Variants in MAGI2 observed in about 807,000 individuals in gnomAD.
MAGI2 encodes the protein membrane associated guanylate kinase, WW and PDZ domain containing 2.
A neutral mutation model predicts 133.3 loss-of-function variants in MAGI2; 35 were observed. That is an observed-to-expected ratio of 0.26 (90% CI 0.20 to 0.35). MAGI2 has a LOEUF of 0.35. MAGI2 is among the 10% of genes least tolerant of loss of function. The pLI is 1.00. For missense variants in MAGI2, 1,636 were observed against 1,863.4 expected (o/e 0.88, Z 2.25); for synonymous variants, 729 against 710.6 (o/e 1.03, Z -0.41).
At chr7:78,545,493 T>A (rs62468611) in intron 3 of MAGI2, among the ~76,000 whole-genome samples, 10,340 of 152,220 alleles carry the variant, frequency 0.068, 444 homozygotes, top group Non-Finnish European at 0.1. Flanking sequence ...ATTACAGGTG[T>A]GAGCCACCGT....
At chr7:78,358,352 A>G (rs1405441527) in intron 7 of MAGI2, 1 of 151,732 alleles carries the variant, frequency 6.6e-6, no homozygotes, top group African/African-American at 2.4e-5. Context: ...CCCGGCAGCC[A>G]TCTTGGCCAA....
intron 2 of MAGI2, among the ~76,000 whole-genome samples, chr7:78,676,877 G>A (rs528911240): frequency 6.6e-6 from 1 of 152,068 alleles, no homozygotes; most frequent in African/African-American, 2.4e-5. Flanking sequence ...CAAATACATT[G>A]AGGCATTTTC....
At chr7:78,536,756 GTTGT>G (rs1469608195) in intron 3 of MAGI2, among the ~76,000 whole-genome samples, 6,330 of 109,492 alleles carry the variant, frequency 0.058, 157 homozygotes, top group Non-Finnish European at 0.074. Flanking sequence ...TGTTTTTGTT[GTTGT>G]TTTTTTTTTT....
At chr7:78,627,022 A>C (rs1426543134) in intron 3 of MAGI2, 98 bp downstream of exon 3, 5 of 1,297,594 alleles carry the variant, frequency 3.9e-6, no homozygotes, top group Non-Finnish European at 5.0e-6. Context: ...TCTCAAACCC[A>C]AAACAGCCCA....
intron 2 of MAGI2, among the ~76,000 whole-genome samples, chr7:78,840,890 A>T: frequency 6.6e-6 from 1 of 151,886 alleles, no homozygotes; most frequent in Non-Finnish European, 1.5e-5. Context: ...AAATGTTATC[A>T]TAAACATTTA....
At chr7:78,123,464 A>T (rs1253391828) in intron 20 of MAGI2, among the ~76,000 whole-genome samples, 1 of 152,206 alleles carries the variant, frequency 6.6e-6, no homozygotes, top group Non-Finnish European at 1.5e-5. Flanking sequence ...AACAATTATA[A>T]CAAAATGCCA....
At chr7:78,523,396 G>A (rs533585831) in intron 3 of MAGI2, among the ~76,000 whole-genome samples, 3 of 152,038 alleles carry the variant, frequency 2.0e-5, no homozygotes, top group African/African-American at 4.8e-5. Context: ...GGAGAATGGC[G>A]TGAACCTGGG....
intron 6 of MAGI2, among the ~76,000 whole-genome samples, chr7:78,450,121 A>T (rs575589253): frequency 3.9e-5 from 6 of 152,040 alleles, no homozygotes; most frequent in African/African-American, 1.4e-4. Flanking sequence ...TTTCTTCATA[A>T]TTACTTCCTA....
intron 2 of MAGI2, among the ~76,000 whole-genome samples, chr7:78,841,471 G>A (rs1448639216): frequency 6.6e-6 from 1 of 151,864 alleles, no homozygotes; most frequent in Non-Finnish European, 1.5e-5. Context: ...TCTGCACACT[G>A]TTTCTGGGAG....
chr7:78,497,613 G>A (rs2150513049), intron 5 of MAGI2, among the ~76,000 whole-genome samples: 1 of 152,116 alleles, frequency 6.6e-6, no homozygotes, highest in African/African-American at 2.4e-5. Flanking sequence ...ACAAGTAAAT[G>A]GAATTGCTTG....
intron 11 of MAGI2, 144 bp from the exon 12 acceptor site, chr7:78,195,207 A>C: frequency 1.7e-6 from 1 of 595,440 alleles, no homozygotes; most frequent in East Asian, 3.1e-5. Flanking sequence ...CTTGAAAGAA[A>C]AGATTTTATG....
chr7:79,132,104 G>A (rs953805218), intron 1 of MAGI2, among the ~76,000 whole-genome samples: 4 of 151,946 alleles, frequency 2.6e-5, no homozygotes, highest in Admixed American at 1.3e-4. Context: ...GTGATAAATG[G>A]TAATATCTTG....
chr7:79,161,287 C>T (rs1440286959), intron 1 of MAGI2, among the ~76,000 whole-genome samples: 1 of 151,936 alleles, frequency 6.6e-6, no homozygotes, highest in Non-Finnish European at 1.5e-5. Context: ...AGTAAAATTG[C>T]CTGAGCCCAC....
chr7:78,126,552 C>T (rs574493597), intron 19 of MAGI2, among the ~76,000 whole-genome samples: 1 of 152,298 alleles, frequency 6.6e-6, no homozygotes, highest in East Asian at 1.9e-4. Flanking sequence ...AATGTTGAAT[C>T]CTCATCCTGG....
chr7:79,088,280 A>G (rs1393062964), intron 1 of MAGI2, among the ~76,000 whole-genome samples: 3 of 152,034 alleles, frequency 2.0e-5, no homozygotes, highest in Non-Finnish European at 1.5e-5. Context: ...GTAATTGTGA[A>G]TGGGAATTCA....
chr7:78,518,556 A>G (rs547235191), intron 4 of MAGI2: 16 of 152,190 alleles, frequency 1.1e-4, no homozygotes, highest in Non-Finnish European at 1.8e-4. Flanking sequence ...GCTTATTACT[A>G]TTATCAATAT....
chr7:78,991,317 T>TACAC (rs148776305), intron 2 of MAGI2, among the ~76,000 whole-genome samples: 36 of 132,188 alleles, frequency 2.7e-4, no homozygotes, highest in South Asian at 1.4e-3. Flanking sequence ...GACACACACA[T>TACAC]ACACACACAC....
intron 1 of MAGI2, among the ~76,000 whole-genome samples, chr7:79,258,233 C>G (rs111671275): frequency 6.6e-6 from 1 of 152,150 alleles, no homozygotes; most frequent in Non-Finnish European, 1.5e-5. Flanking sequence ...TTAATTATCA[C>G]AATGTAATAG....
At chr7:79,127,277 T>C (rs1647262679) in intron 1 of MAGI2, among the ~76,000 whole-genome samples, 1 of 152,204 alleles carries the variant, frequency 6.6e-6, no homozygotes, top group Admixed American at 6.5e-5. Context: ...GCATGTGTCT[T>C]TATAGCACAT....
Sources: gnomAD v4.1 joint callset for allele counts (sites outside exome capture counted in the v4.1 genomes callset) on GRCh38, gnomAD v4.1.1 for gene constraint, MANE v1.5 for transcripts, NCBI Gene and HGNC (gene_info 2026-07-23, HGNC 2026-07-21) for gene names.